PPP2R2C: variants seen among roughly 807,000 people sequenced by gnomAD.
The protein encoded by PPP2R2C is protein phosphatase 2, regulatory subunit B, gamma.
Under a neutral mutation model 45.3 loss-of-function variants are expected in PPP2R2C, and 10 were observed. The ratio of observed to expected loss-of-function variants is 0.22; its 90% CI spans 0.14 to 0.37. The LOEUF is 0.37. PPP2R2C is among the 10% of genes least tolerant of loss of function. The pLI is 1.00. For missense variants in PPP2R2C, 308 were observed against 619.7 expected, an observed-to-expected ratio of 0.50 and a Z score of 5.34; for synonymous variants, 257 against 245.4, an observed-to-expected ratio of 1.05 and a Z score of -0.44.
At chr4:6,468,354 A>C (rs1721689376) in intron 1 of PPP2R2C, among the ~76,000 whole-genome samples, 1 of 152,198 alleles carries the variant, frequency 6.6e-6, no homozygotes. Context: ...CCTCAACTAT[A>C]AAATCAGGAC....
intron 5 of PPP2R2C, among the ~76,000 whole-genome samples, chr4:6,363,000 C>T (rs565545627): frequency 6.6e-6 from 1 of 152,286 alleles, no homozygotes; most frequent in African/African-American, 2.4e-5. Flanking sequence ...GAGGATTCAA[C>T]CAGTTAACAT....
chr4:6,420,144 A>G (rs982188375), intron 1 of PPP2R2C, among the ~76,000 whole-genome samples: 1 of 152,094 alleles, frequency 6.6e-6, no homozygotes, highest in Admixed American at 6.5e-5. Flanking sequence ...TGTCTCTCTC[A>G]GTCACACACA....
upstream of PPP2R2C, among the ~76,000 whole-genome samples, chr4:6,477,414 G>A (rs957172470): frequency 1.5e-4 from 23 of 152,008 alleles, no homozygotes; most frequent in Admixed American, 2.0e-4. Flanking sequence ...CACCTCTAAC[G>A]CCAAACCCAG....
chr4:6,337,954 A>G (rs1577079120), intron 6 of PPP2R2C, among the ~76,000 whole-genome samples: 1 of 152,030 alleles, frequency 6.6e-6, no homozygotes, highest in Non-Finnish European at 1.5e-5. Context: ...AATTTTTGAT[A>G]CAATAGATTT....
intron 8 of PPP2R2C, 90 bp from the exon 9 acceptor site, chr4:6,323,683 C>T: frequency 2.2e-6 from 3 of 1,339,478 alleles, no homozygotes; most frequent in Non-Finnish European, 2.9e-6. Flanking sequence ...CGCCCATAAT[C>T]CCAGGACTTT....
intron 1 of PPP2R2C, chr4:6,383,144 C>T (rs780865064): frequency 8.6e-7 from 1 of 1,159,124 alleles, no homozygotes; most frequent in Admixed American, 4.3e-5. Context: ...CTGGGGGTTG[C>T]CATCAACGCC....
chr4:6,392,013 T>C (rs1305392685), intron 1 of PPP2R2C, among the ~76,000 whole-genome samples: 1 of 152,144 alleles, frequency 6.6e-6, no homozygotes, highest in African/African-American at 2.4e-5. Flanking sequence ...ACACAGGAAA[T>C]ACACTTAGTC....
intron 1 of PPP2R2C, among the ~76,000 whole-genome samples, chr4:6,470,167 G>A (rs1211798072): frequency 1.3e-5 from 2 of 152,220 alleles, no homozygotes; most frequent in Non-Finnish European, 2.9e-5. Context: ...ACTGAGCCCT[G>A]GTGAGAAGAC....
At chr4:6,340,248 A>T (rs1486508569) in intron 6 of PPP2R2C, among the ~76,000 whole-genome samples, 1 of 151,804 alleles carries the variant, frequency 6.6e-6, no homozygotes, top group Non-Finnish European at 1.5e-5. Flanking sequence ...CCACCCCTCC[A>T]CCTGTTCCAG....
At chr4:6,420,858 G>C in intron 1 of PPP2R2C, 1 of 848,894 alleles carries the variant, frequency 1.2e-6, no homozygotes, top group Non-Finnish European at 1.4e-6. Flanking sequence ...GGTCTGTGCT[G>C]GCACACACAC....
chr4:6,380,753 C>T (rs1376687825), intron 2 of PPP2R2C, among the ~76,000 whole-genome samples: 3 of 152,230 alleles, frequency 2.0e-5, no homozygotes, highest in Admixed American at 6.5e-5. Flanking sequence ...ACTCCCACCT[C>T]GGCATTCCAA....
chr4:6,447,821 G>GGAGCACATCC (rs1720511662), intron 1 of PPP2R2C, among the ~76,000 whole-genome samples: 1 of 152,188 alleles, frequency 6.6e-6, no homozygotes, highest in African/African-American at 2.4e-5. Flanking sequence ...CTCAGCTACG[G>GGAGCACATCC]CTGGAGTAAC....
chr4:6,512,149 GTGGTGA>G (rs1330570364), intron 2 of PPP2R2C, among the ~76,000 whole-genome samples: 1 of 70,726 alleles, frequency 1.4e-5, no homozygotes, highest in Non-Finnish European at 2.7e-5. Context: ...TATGGTGGTA[GTGGTGA>G]TGGTGATGGT....
intron 5 of PPP2R2C, among the ~76,000 whole-genome samples, chr4:6,369,476 G>A (rs1714621504): frequency 6.6e-6 from 1 of 152,212 alleles, no homozygotes; most frequent in South Asian, 2.1e-4. Flanking sequence ...AAAGCAACTT[G>A]ACTTAAAGAA....
At chr4:6,476,625 A>G (rs1722152898), upstream of PPP2R2C, among the ~76,000 whole-genome samples, 1 of 152,192 alleles carries the variant, frequency 6.6e-6, no homozygotes, top group Admixed American at 6.5e-5. Flanking sequence ...CGTCCAGGCT[A>G]CAGTATTTTT....
chr4:6,348,952 G>A (rs994567358), intron 5 of PPP2R2C: 4 of 937,954 alleles, frequency 4.3e-6, no homozygotes, highest in African/African-American at 3.6e-5. Context: ...CAGAGAAGAT[G>A]AGCAACTCGT....
chr4:6,396,996 C>T (rs1267841675), intron 1 of PPP2R2C, among the ~76,000 whole-genome samples: 1 of 152,166 alleles, frequency 6.6e-6, no homozygotes. Context: ...CAAAAAATTC[C>T]TAAAAATGTA....
upstream of PPP2R2C, among the ~76,000 whole-genome samples, chr4:6,473,885 C>T (rs927709859): frequency 2.6e-5 from 4 of 152,156 alleles, no homozygotes; most frequent in Non-Finnish European, 5.9e-5. Flanking sequence ...GAGATGAAAG[C>T]CCCCCAGCAG....
In PPP2R2C at chr4:6,323,181, C is replaced by A; in HGVS notation, c.*121G>T. On this transcript the variant is annotated 3_prime_UTR_variant, in exon 9 of 9. Transcript: ENST00000382599. ...AACTTCCTGTGTCCACACACTGCCA[C>A]CTCTGCAGCTGTCCTCATCAGTGCT... 1 of 1,219,996 alleles carries A rather than the reference C, an allele frequency of 8.2e-7. No individual in the cohort carries two copies. Among genetic ancestry groups the A allele is most frequent in the Non-Finnish European group, 1.1e-6 (1 of 906,680 alleles). The allele number at this position is 1,219,996 out of a possible 1,614,324, so 75.6% of individuals were successfully genotyped here. A position where few individuals can be genotyped will look rare whatever the true frequency, so the allele number is the denominator to read the frequency against.
Sources: gnomAD v4.1 joint callset for allele counts (sites outside exome capture counted in the v4.1 genomes callset) on GRCh38, gnomAD v4.1.1 for gene constraint, MANE v1.5 for transcripts, NCBI Gene and HGNC (gene_info 2026-07-23, HGNC 2026-07-21) for gene names.